The following CLPX variants were observed in gnomAD, a reference collection of about 807,000 sequenced individuals.
CLPX encodes caseinolytic mitochondrial matrix peptidase chaperone subunit X.
In CLPX, 34 loss-of-function variants were observed where a neutral mutation model predicts 76.4. The ratio of observed to expected loss-of-function variants is 0.45; its 90% CI spans 0.34 to 0.59. The LOEUF is 0.59. Among genes scored for constraint, CLPX ranks in the 20% least tolerant of loss-of-function variants. The probability of loss-of-function intolerance (pLI) is 0.01; values close to 1 mark genes in which losing one functional copy is unlikely to be tolerated. For synonymous variants in CLPX, 248 were observed against 270.9 expected (o/e 0.92, Z 0.83); for missense variants, 613 against 757.0 (o/e 0.81, Z 2.23).
intron 1 of CLPX, 58 bp downstream of exon 1, chr15:65,185,017 G>A: frequency 6.9e-7 from 1 of 1,443,748 alleles, no homozygotes; most frequent in Non-Finnish European, 9.5e-7. Context: ...CCCAACCATT[G>A]GCCAGTCCAC....
At chr15:65,180,412 T>C (rs1232324008) in intron 1 of CLPX, among the ~76,000 whole-genome samples, 2 of 152,116 alleles carry the variant, frequency 1.3e-5, no homozygotes, top group Admixed American at 6.5e-5. Context: ...TCTAAATAAA[T>C]AAAGGTGTTT....
At chr15:65,179,792 T>C (rs2140650038) in intron 2 of CLPX, among the ~76,000 whole-genome samples, 1 of 152,332 alleles carries the variant, frequency 6.6e-6, no homozygotes, top group Middle Eastern at 3.4e-3. Context: ...TCCTACTGAC[T>C]GTCATTTAAT....
chr15:65,151,456 GAAAAA>G (rs529752332), intron 13 of CLPX, among the ~76,000 whole-genome samples: 70 of 74,598 alleles, frequency 9.4e-4, no homozygotes, highest in African/African-American at 3.8e-3. Context: ...ATTACTGGGA[GAAAAA>G]AAAAAAAAAA....
chr15:65,157,962 AT>A, intron 7 of CLPX, 52 bp from the exon 8 acceptor site: 1 of 1,459,914 alleles, frequency 6.8e-7, no homozygotes, highest in Non-Finnish European at 9.2e-7. Context: ...TTGGCACACA[AT>A]TTTTCAATAA....
chr15:65,158,695 G>A lies in CLPX; in HGVS notation c.772C>T (p.Gln258Ter). Residue 258 changes from glutamine to a stop codon, truncating the protein, a stop_gained, in exon 7 of 14, where the codon CAG becomes TAG. Coordinates refer to ENST00000300107, the MANE Select transcript of CLPX (RefSeq NM_006660.5). LOFTEE classifies it high-confidence loss of function. ...PHGNALGASM[Q>*]QQVNQQIPQE... ...GGTATTTGTTGATTTACCTGTTGCT[G>A]CATTGATGCTCCTAAAGCATTACCA... The A allele has an allele frequency of 6.2e-7, 1 of 1,613,690 alleles. No individual in the cohort carries two copies. The highest frequency in any genetic ancestry group is 8.5e-7 in the Non-Finnish European group (1 of 1,179,780).
At position 65,176,814 on chromosome 15, in the gene CLPX, T is replaced by G. The variant is rs548428602; in HGVS notation, c.358+2120A>C. Among the ~76,000 whole-genome samples the G allele has an allele frequency of 5.1e-4, 78 of 152,018 alleles. 1 individual carries two copies. In the South Asian group the frequency reaches 0.016, roughly 31 times the overall value. ...TTCACCACGTTGGCCAGGCTGGTCT[T>G]GAACGCCTCACCTCTGGTGATCTGC... On this transcript the variant is annotated intron_variant, in intron 3 of 13. Transcript: ENST00000300107.
At chr15:65,178,813 G>T (rs983339339) in intron 3 of CLPX, 121 bp downstream of exon 3, 6 of 471,834 alleles carry the variant, frequency 1.3e-5, no homozygotes, top group Admixed American at 1.0e-4. Flanking sequence ...TAGGATTATA[G>T]GCATAAGCCG....
chr15:65,183,561 AAAGG>A (rs368335604), intron 1 of CLPX, among the ~76,000 whole-genome samples: 1,677 of 151,492 alleles, frequency 0.011, 31 homozygotes, highest in African/African-American at 0.033. Flanking sequence ...GGAAGGAAGG[AAAGG>A]AAGGAAGGAA....
Position 65,157,891 on chromosome 15 carries a change from T to C in CLPX, c.912A>G (p.Gln304=). The C allele has an allele frequency of 6.2e-7, 1 of 1,601,612 alleles. No individual in the cohort carries two copies. The highest frequency in any genetic ancestry group is 8.5e-7 in the Non-Finnish European group (1 of 1,175,098). ...PTGSGKTLLA[Q]TLAKCLDVPF... ...GGACATCAAGGCATTTAGCTAGGGT[T>C]TGTGCCAGCAGAGTTTTACCTACAA... Residue 304 remains glutamine, a synonymous_variant, in exon 8 of 14, where the codon CAA becomes CAG. Coordinates refer to ENST00000300107, the MANE Select transcript of CLPX (RefSeq NM_006660.5).
At chr15:65,159,948 G>A (rs1441892837) in intron 6 of CLPX, among the ~76,000 whole-genome samples, 4 of 151,878 alleles carry the variant, frequency 2.6e-5, no homozygotes, top group African/African-American at 9.7e-5. Context: ...GAGTAGTTGG[G>A]ATTACAGGCA....
At chr15:65,181,747 G>T (rs111852988) in intron 1 of CLPX, among the ~76,000 whole-genome samples, 4,920 of 122,864 alleles carry the variant, frequency 0.04, 139 homozygotes, top group African/African-American at 0.099. Flanking sequence ...AGGCTCTGTC[G>T]CAAAATAAAT....
intron 1 of CLPX, 52 bp from the exon 2 acceptor site, chr15:65,180,256 C>T (rs772406727): frequency 9.3e-6 from 13 of 1,395,606 alleles, no homozygotes; most frequent in Middle Eastern, 1.9e-4. Flanking sequence ...CAATAAATCC[C>T]CTGGAAACAA....
At chr15:65,153,003 C>T (rs2087743435) in intron 12 of CLPX, among the ~76,000 whole-genome samples, 1 of 151,960 alleles carries the variant, frequency 6.6e-6, no homozygotes, top group Non-Finnish European at 1.5e-5. Context: ...CTGCCTTGGC[C>T]TTCCAAAGTG....
Position 65,150,656 on chromosome 15 carries a change from TGTGATGTTAC to T in CLPX, c.*157_*166del. The T allele has an allele frequency of 2.3e-6, 1 of 427,612 alleles. No homozygotes were observed. Among genetic ancestry groups the T allele is most frequent in the Non-Finnish European group, 4.2e-6 (1 of 240,272 alleles). 26.5% of individuals were successfully genotyped at this position (427,612 alleles called of 1,614,324 possible). A position where few individuals can be genotyped will look rare whatever the true frequency, so the allele number is the denominator to read the frequency against. On this transcript the variant is annotated 3_prime_UTR_variant, in exon 14 of 14. Coordinates refer to ENST00000300107, the MANE Select transcript of CLPX (RefSeq NM_006660.5). ...CATATAACATCTTCCGTAAAATCAA[TGTGATGTTAC>T]AATTATATACATGATCTGATTCTTC...
rs767702889 is a variant in CLPX at position 65,149,584 on chromosome 15, G to A, written c.*1239C>T. On this transcript the variant is annotated 3_prime_UTR_variant, in exon 14 of 14. Transcript: ENST00000300107. ...TGGATTAAAGATGGTAAATAAGGCCGGGTGTGGTGGCTTACGCCTGCAATC... is the reference window on the plus strand; with the variant it reads ...TGGATTAAAGATGGTAAATAAGGCCAGGTGTGGTGGCTTACGCCTGCAATC... The A allele has an allele frequency of 3.5e-5, 16 of 452,962 alleles. No individual in the cohort carries two copies. The highest frequency in any genetic ancestry group is 1.4e-4 in the East Asian group (2 of 14,088). 28.1% of individuals were successfully genotyped at this position (452,962 alleles called of 1,614,324 possible). A position where few individuals can be genotyped will look rare whatever the true frequency, so the allele number is the denominator to read the frequency against.
chr15:65,185,316 G>T lies in CLPX; in HGVS notation c.-163C>A. 1.7e-6 allele frequency: 1 copy of T among 599,858 alleles called. No homozygotes were observed. Among genetic ancestry groups the T allele is most frequent in the Non-Finnish European group, 3.0e-6 (1 of 337,936 alleles). 37.2% of individuals were successfully genotyped at this position (599,858 alleles called of 1,614,324 possible). On this transcript the variant is annotated 5_prime_UTR_variant, in exon 1 of 14. Coordinates refer to ENST00000300107, the MANE Select transcript of CLPX (RefSeq NM_006660.5). ...GGCAGCCAGGCCTTCACGCTTCTCT[G>T]CCCCACAGCCGTCTATTCACCAGAG...
intron 3 of CLPX, among the ~76,000 whole-genome samples, chr15:65,172,933 T>C (rs1374361464): frequency 6.6e-6 from 1 of 152,084 alleles, no homozygotes; most frequent in Admixed American, 6.6e-5. Flanking sequence ...GAGGACAACT[T>C]GAACCCAGGA....
At position 65,185,115 on chromosome 15, in the gene CLPX, G is replaced by T. The variant is rs770877910; in HGVS notation, c.39C>A (p.Ala13=). The part of the protein sequence containing the change: ...SCGACTCGAA[A]VRLITSSLAS... ...CGAGTGAGGAGGTGATGAGCCGGAC[G>T]GCCGCCGCGCCGCAAGTACAAGCAC... Residue 13 remains alanine, a synonymous_variant, in exon 1 of 14, where the codon GCC becomes GCA. Transcript: ENST00000300107. 1.3e-6 allele frequency: 2 copies of T among 1,582,570 alleles called. No homozygotes were observed. Among genetic ancestry groups the T allele is most frequent in the African/African-American group, 1.3e-5 (1 of 74,596 alleles).
intron 2 of CLPX, among the ~76,000 whole-genome samples, chr15:65,179,383 T>G (rs2088133583): frequency 3.9e-5 from 6 of 152,078 alleles, no homozygotes. Flanking sequence ...GAATCAGGAG[T>G]TATTATCATG....
Sources: gnomAD v4.1 joint callset for allele counts (sites outside exome capture counted in the v4.1 genomes callset) on GRCh38, gnomAD v4.1.1 for gene constraint, MANE v1.5 for transcripts, NCBI Gene and HGNC (gene_info 2026-07-23, HGNC 2026-07-21) for gene names.